Variants in KIF6 observed in about 807,000 individuals in gnomAD.
The protein encoded by KIF6 is kinesin family member 6.
Under a neutral mutation model 112.7 loss-of-function variants are expected in KIF6, and 106 were observed. The observed-to-expected ratio is 0.94, with a 90% confidence interval of 0.80 to 1.11. KIF6 has a LOEUF of 1.11. Among genes scored for constraint, KIF6 ranks in the 50% least tolerant of loss-of-function variants. The probability of loss-of-function intolerance (pLI) is 0.00; values close to 1 mark genes in which losing one functional copy is unlikely to be tolerated. For missense variants in KIF6, 929 were observed against 964.0 expected (o/e 0.96, Z 0.48); for synonymous variants, 339 against 339.9 (o/e 1.00, Z 0.03).
At chr6:39,699,651 T>A (rs1452525459) in intron 3 of KIF6, among the ~76,000 whole-genome samples, 1 of 152,154 alleles carries the variant, frequency 6.6e-6, no homozygotes, top group Non-Finnish European at 1.5e-5. Context: ...AAAGTGCTGT[T>A]AAAGGTACCA....
intron 2 of KIF6, among the ~76,000 whole-genome samples, chr6:39,716,609 C>A (rs1425675007): frequency 6.6e-6 from 1 of 152,048 alleles, no homozygotes; most frequent in Non-Finnish European, 1.5e-5. Flanking sequence ...CAGGTTCAGT[C>A]TAATGATTAA....
At chr6:39,669,888 G>A (rs1197212394) in intron 3 of KIF6, among the ~76,000 whole-genome samples, 1 of 152,216 alleles carries the variant, frequency 6.6e-6, no homozygotes, top group African/African-American at 2.4e-5. Context: ...GCCAGTGATG[G>A]CAAACCACAT....
chr6:39,550,512 T>C (rs1336214711), intron 10 of KIF6, among the ~76,000 whole-genome samples: 1 of 152,142 alleles, frequency 6.6e-6, no homozygotes, highest in African/African-American at 2.4e-5. Context: ...TGCAAAGCAA[T>C]GGGACTGCAT....
At chr6:39,600,043 T>C (rs762472276) in intron 6 of KIF6, among the ~76,000 whole-genome samples, 5 of 152,198 alleles carry the variant, frequency 3.3e-5, no homozygotes, top group Non-Finnish European at 5.9e-5. Flanking sequence ...TCAGAAAACA[T>C]TCTTTATGTG....
intron 16 of KIF6, among the ~76,000 whole-genome samples, chr6:39,365,273 C>A (rs1448857020): frequency 1.3e-5 from 2 of 152,176 alleles, no homozygotes; most frequent in Non-Finnish European, 2.9e-5. Context: ...TGTCTTATTT[C>A]ATTATCTAAA....
intron 13 of KIF6, among the ~76,000 whole-genome samples, chr6:39,488,728 C>G (rs567870033): frequency 9.3e-4 from 141 of 152,322 alleles, no homozygotes; most frequent in African/African-American, 3.0e-3. Flanking sequence ...TAGAGAGAGA[C>G]ACTGTCCTGA....
chr6:39,619,173 A>G (rs934815435), intron 5 of KIF6, among the ~76,000 whole-genome samples: 3 of 152,228 alleles, frequency 2.0e-5, no homozygotes, highest in African/African-American at 4.8e-5. Flanking sequence ...AAGAAGTCCA[A>G]ACTCAGCACT....
intron 3 of KIF6, among the ~76,000 whole-genome samples, chr6:39,698,605 A>G (rs946660598): frequency 2.0e-5 from 3 of 152,238 alleles, no homozygotes; most frequent in African/African-American, 7.2e-5. Flanking sequence ...GAGTGAAAAC[A>G]CAGACACTCC....
intron 13 of KIF6, among the ~76,000 whole-genome samples, chr6:39,451,398 AT>A (rs1451538322): frequency 2.0e-5 from 3 of 152,248 alleles, no homozygotes; most frequent in Non-Finnish European, 4.4e-5. Flanking sequence ...GCACAAAGGC[AT>A]TTTGGATTAT....
Position 39,351,070 on chromosome 6 carries a change from G to A in KIF6, c.2181-4544C>T, listed in dbSNP as rs80083792. Reference sequence around the variant, plus strand: ...CAAGACCCTTCTGCCAGCAGTCACCGAAGGGGCTTGGGGTGGGGGTGGGGA... The same window carrying A: ...CAAGACCCTTCTGCCAGCAGTCACCAAAGGGGCTTGGGGTGGGGGTGGGGA... On this transcript the variant is annotated intron_variant, in intron 19 of 22. Transcript: ENST00000287152. Among the ~76,000 whole-genome samples, 437 of 152,188 alleles carry A rather than the reference G, an allele frequency of 2.9e-3. 3 individuals carry two copies. The highest frequency in any genetic ancestry group is 0.01 in the African/African-American group (426 of 41,526).
At chr6:39,695,954 T>C (rs1788508583) in intron 3 of KIF6, among the ~76,000 whole-genome samples, 1 of 152,198 alleles carries the variant, frequency 6.6e-6, no homozygotes. Context: ...CACCATGGAA[T>C]ACCACACAGC....
intron 7 of KIF6, among the ~76,000 whole-genome samples, chr6:39,587,199 C>T (rs1022075168): frequency 2.6e-5 from 4 of 152,220 alleles, no homozygotes; most frequent in Non-Finnish European, 4.4e-5. Context: ...AGGGTTATCC[C>T]GGGCAGACAA....
intron 13 of KIF6, among the ~76,000 whole-genome samples, chr6:39,498,410 C>T (rs1775910547): frequency 6.6e-6 from 1 of 152,098 alleles, no homozygotes. Flanking sequence ...GAAAGAACAG[C>T]ACAATGAATG....
intron 3 of KIF6, among the ~76,000 whole-genome samples, chr6:39,688,002 C>T (rs558225681): frequency 3.3e-5 from 5 of 152,228 alleles, no homozygotes; most frequent in South Asian, 4.2e-4. Context: ...CTGAAACCTG[C>T]GGCTAGCAGT....
chr6:39,455,168 G>T (rs1194169932), intron 13 of KIF6, among the ~76,000 whole-genome samples: 1 of 152,194 alleles, frequency 6.6e-6, no homozygotes, highest in African/African-American at 2.4e-5. Flanking sequence ...CGCAGCTGGA[G>T]ATCTGAGAAC....
chr6:39,586,287 G>A lies in KIF6; in HGVS notation c.964C>T (p.Leu322Phe). 6.2e-7 allele frequency: 1 copy of A among 1,614,162 alleles called. No homozygotes were observed. ...TCAAGATTCCTTTTCTCCAAGGAGA[G>A]TGTTGCAATCATAGTTGTCATGCAG... ...GNCMTTMIATLSLEKRNLDES... is the reference protein window; with the variant it reads ...GNCMTTMIATFSLEKRNLDES... The change falls in exon 8 of 23, where the codon CTC (leucine) becomes TTC (phenylalanine). Residue 322 changes from leucine (L) to phenylalanine (F), a missense_variant. By Grantham distance (22) the Leu-to-Phe change is conservative. Around this residue, in one of 2 missense-constraint regions of KIF6, gnomAD observed 688 missense variants for 662.7 expected, o/e 1.04. Coordinates refer to ENST00000287152, the MANE Select transcript of KIF6 (RefSeq NM_145027.6).
chr6:39,499,337 T>G (rs1775973877), intron 13 of KIF6, among the ~76,000 whole-genome samples: 1 of 152,012 alleles, frequency 6.6e-6, no homozygotes, highest in Non-Finnish European at 1.5e-5. Flanking sequence ...AGATTTTTTT[T>G]TTTTAAAGAA....
chr6:39,705,302 G>GT (rs1314625899), intron 3 of KIF6, among the ~76,000 whole-genome samples: 1 of 152,166 alleles, frequency 6.6e-6, no homozygotes, highest in East Asian at 1.9e-4. Flanking sequence ...ATGCTGCTGG[G>GT]TTACGGACCA....
At chr6:39,597,970 A>T (rs1267227010) in intron 6 of KIF6, among the ~76,000 whole-genome samples, 2 of 152,186 alleles carry the variant, frequency 1.3e-5, no homozygotes, top group African/African-American at 4.8e-5. Flanking sequence ...GTTTGAGACC[A>T]GCCTGACCAA....
Sources: allele counts gnomAD v4.1 joint callset (sites outside exome capture counted in the v4.1 genomes callset), GRCh38; gene constraint gnomAD v4.1.1; regional missense constraint gnomAD v4.1.1; transcripts MANE v1.5; gene names NCBI Gene and HGNC (gene_info 2026-07-23, HGNC 2026-07-21).